Variants in RASAL2 observed in about 807,000 individuals in gnomAD.
The protein encoded by RASAL2 is ras GTPase-activating protein nGAP.
RASAL2 carries 58 observed loss-of-function variants against 128.9 expected under a neutral mutation model. The observed-to-expected ratio is 0.45, with a 90% CI of 0.36 to 0.56. RASAL2 has a LOEUF of 0.56. RASAL2 is among the 20% of genes least tolerant of loss of function. The probability of loss-of-function intolerance (pLI) is 0.00; values close to 1 mark genes in which losing one functional copy is unlikely to be tolerated. For synonymous variants in RASAL2, 561 were observed against 580.8 expected, an observed-to-expected ratio of 0.97 and a Z score of 0.49; for missense variants, 1,360 against 1,601.6, an observed-to-expected ratio of 0.85 and a Z score of 2.57.
At chr1:178,320,857 C>T (rs1259160376) in intron 3 of RASAL2, among the ~76,000 whole-genome samples, 2 of 152,310 alleles carry the variant, frequency 1.3e-5, no homozygotes, top group East Asian at 1.9e-4. Context: ...GTAAAATTTA[C>T]TCAATTTAGA....
chr1:178,343,180 G>A (rs958798265), intron 3 of RASAL2, among the ~76,000 whole-genome samples: 1 of 152,160 alleles, frequency 6.6e-6, no homozygotes, highest in Non-Finnish European at 1.5e-5. Context: ...GCTCTTTCCA[G>A]TTTTTGGCTG....
chr1:178,439,103 G>A (rs897845318), intron 5 of RASAL2, among the ~76,000 whole-genome samples: 23 of 151,776 alleles, frequency 1.5e-4, no homozygotes, highest in East Asian at 3.9e-4. Flanking sequence ...ATATTTCTCC[G>A]TCTTCCAAAA....
At chr1:178,263,496 C>T (rs1210367605) in intron 1 of RASAL2, among the ~76,000 whole-genome samples, 1 of 152,166 alleles carries the variant, frequency 6.6e-6, no homozygotes, top group Non-Finnish European at 1.5e-5. Context: ...AAAGTCTGTG[C>T]TCTTAACCAC....
chr1:178,190,902 T>C (rs1662472447), intron 1 of RASAL2, among the ~76,000 whole-genome samples: 1 of 152,182 alleles, frequency 6.6e-6, no homozygotes, highest in Non-Finnish European at 1.5e-5. Context: ...TAAATAAAGA[T>C]GATGCCAAAG....
intron 3 of RASAL2, among the ~76,000 whole-genome samples, chr1:178,386,792 G>C (rs1672596874): frequency 6.6e-6 from 1 of 152,144 alleles, no homozygotes; most frequent in Non-Finnish European, 1.5e-5. Context: ...TACAGCAGGT[G>C]AAAATAATGC....
chr1:178,102,763 C>T (rs2102225154), intron 1 of RASAL2, among the ~76,000 whole-genome samples: 1 of 152,216 alleles, frequency 6.6e-6, no homozygotes, highest in East Asian at 1.9e-4. Context: ...AAAAGATATT[C>T]CATGAGCTCT....
intron 3 of RASAL2, among the ~76,000 whole-genome samples, chr1:178,302,083 A>G (rs2102275297): frequency 6.6e-6 from 1 of 152,328 alleles, no homozygotes; most frequent in Non-Finnish European, 1.5e-5. Flanking sequence ...TTCTAGAGCC[A>G]TTCTTCCTTA....
intron 1 of RASAL2, among the ~76,000 whole-genome samples, chr1:178,260,178 C>T (rs138373006): frequency 0.014 from 2,161 of 149,342 alleles, 32 homozygotes; most frequent in Non-Finnish European, 0.022. Flanking sequence ...TGGTGAAACT[C>T]CGTCTCTACT....
rs768791235 is a variant in RASAL2, at chr1:178,160,315, G to GT, written c.202+65622dup. ...ATGAAATGAGATTAAGATCAGGTTGGTAATAAGGGGGTCGTATTTGTATTA... is the reference window on the plus strand; with the variant it reads ...ATGAAATGAGATTAAGATCAGGTTGGTTAATAAGGGGGTCGTATTTGTATTA... On this transcript the variant is annotated intron_variant, in intron 1 of 17. Transcript: ENST00000367649. Among the ~76,000 whole-genome samples the GT allele has an allele frequency of 2.0e-5, 3 of 152,242 alleles. No individual in the cohort carries two copies. In the East Asian group the frequency reaches 5.8e-4, roughly 30 times the overall value.
At chr1:178,406,910 ATTAAT>A (rs896358624) in intron 4 of RASAL2, among the ~76,000 whole-genome samples, 2 of 152,036 alleles carry the variant, frequency 1.3e-5, no homozygotes, top group African/African-American at 4.8e-5. Context: ...ATATGTGTTT[ATTAAT>A]TTCTGTGCTT....
At chr1:178,228,439 C>T (rs558538027) in intron 1 of RASAL2, among the ~76,000 whole-genome samples, 5 of 152,040 alleles carry the variant, frequency 3.3e-5, no homozygotes, top group South Asian at 4.2e-4. Flanking sequence ...AAAAATTAGC[C>T]GGGTGTGGTG....
chr1:178,165,615 C>T (rs1427490184), intron 1 of RASAL2, among the ~76,000 whole-genome samples: 1 of 152,072 alleles, frequency 6.6e-6, no homozygotes, highest in Non-Finnish European at 1.5e-5. Flanking sequence ...CAAATGCAAA[C>T]ACAGTATGTT....
At chr1:178,139,332 T>A (rs1291738872) in intron 1 of RASAL2, among the ~76,000 whole-genome samples, 1 of 146,260 alleles carries the variant, frequency 6.8e-6, no homozygotes, top group Non-Finnish European at 1.5e-5. Context: ...GTTCTAATTG[T>A]AATTTTCAGA....
intron 1 of RASAL2, among the ~76,000 whole-genome samples, chr1:178,099,420 TTAAA>T (rs1377211312): frequency 1.3e-5 from 2 of 152,208 alleles, no homozygotes; most frequent in African/African-American, 2.4e-5. Context: ...TTAAGTGACT[TTAAA>T]TAGCCCCCTT....
At chr1:178,357,446 G>T (rs1670870270) in intron 3 of RASAL2, among the ~76,000 whole-genome samples, 1 of 149,424 alleles carries the variant, frequency 6.7e-6, no homozygotes, top group African/African-American at 2.5e-5. Flanking sequence ...CTACTCTACT[G>T]ATCTATTTCT....
At chr1:178,372,295 G>T in intron 3 of RASAL2, 1 of 985,394 alleles carries the variant, frequency 1.0e-6, no homozygotes, top group Non-Finnish European at 1.2e-6. Flanking sequence ...TAGCACCGAA[G>T]AAGAGAAGAG....
intron 1 of RASAL2, among the ~76,000 whole-genome samples, chr1:178,140,271 A>G (rs922272586): frequency 2.0e-5 from 3 of 152,144 alleles, no homozygotes; most frequent in South Asian, 4.2e-4. Context: ...CTCTCCCCCA[A>G]CCACACATAA....
At position 178,439,442 on chromosome 1, in the gene RASAL2, TAA is replaced by T; in HGVS notation, c.698_699del (p.Lys233ArgfsTer6). The T allele has an allele frequency of 6.2e-7, 1 of 1,610,236 alleles. No individual in the cohort carries two copies. Among genetic ancestry groups the T allele is most frequent in the Non-Finnish European group, 8.5e-7 (1 of 1,178,402 alleles). Reference sequence around the variant, plus strand: ...TTTAGGTCTCGTGGGCTGCCTAAACTAAAAGAGTCACGTTCCCATGAATCCTT... The same window carrying T: ...TTTAGGTCTCGTGGGCTGCCTAAACTAAGAGTCACGTTCCCATGAATCCTT... On this transcript the variant is annotated frameshift_variant, in exon 6 of 18. Transcript: ENST00000367649. LOFTEE classifies it high-confidence loss of function.
chr1:178,144,283 T>G (rs1222875911), intron 1 of RASAL2, among the ~76,000 whole-genome samples: 1 of 152,156 alleles, frequency 6.6e-6, no homozygotes, highest in African/African-American at 2.4e-5. Flanking sequence ...CTTCTACCCC[T>G]TTGGCTAATC....
Sources: allele counts gnomAD v4.1 joint callset (sites outside exome capture counted in the v4.1 genomes callset), GRCh38; gene constraint gnomAD v4.1.1; transcripts MANE v1.5; gene names NCBI Gene and HGNC (gene_info 2026-07-23, HGNC 2026-07-21).